Variants in UBE3D observed in about 807,000 individuals in gnomAD.
UBE3D encodes ubiquitin protein ligase E3D.
UBE3D carries 48 observed loss-of-function variants against 49.6 expected under a neutral mutation model. That is an observed-to-expected ratio of 0.97 (90% CI 0.77 to 1.23). The LOEUF is 1.23. Among genes scored for constraint, UBE3D ranks in the 50% most tolerant of loss-of-function variants. The probability of loss-of-function intolerance (pLI) is 0.00; values close to 1 mark genes in which losing one functional copy is unlikely to be tolerated. For synonymous variants in UBE3D, 189 were observed against 174.2 expected, an observed-to-expected ratio of 1.08 and a Z score of -0.67; for missense variants, 452 against 468.4, an observed-to-expected ratio of 0.96 and a Z score of 0.32.
At chr6:83,017,884 A>G (rs192120751) in intron 8 of UBE3D, 1 of 152,274 alleles carries the variant, frequency 6.6e-6, no homozygotes, top group African/African-American at 2.4e-5. Context: ...TAAATAATTT[A>G]TAGTACCTCC....
intron 8 of UBE3D, among the ~76,000 whole-genome samples, chr6:83,006,955 C>G (rs1780024245): frequency 6.6e-6 from 1 of 151,722 alleles, no homozygotes. Flanking sequence ...TTTCAATTTT[C>G]CTGCTGAAAT....
intron 9 of UBE3D, 33 bp from the exon 10 acceptor site, chr6:82,893,075 C>A (rs1404362185): frequency 1.9e-5 from 31 of 1,612,498 alleles, no homozygotes; most frequent in Non-Finnish European, 2.6e-5. Flanking sequence ...CAATGCTTTA[C>A]TTCTATAATA....
chr6:82,918,670 T>G (rs1208866107), intron 9 of UBE3D, among the ~76,000 whole-genome samples: 1 of 152,068 alleles, frequency 6.6e-6, no homozygotes, highest in Non-Finnish European at 1.5e-5. Context: ...ATTTACAGTC[T>G]TTTTAAATAA....
At chr6:82,881,329 C>T in the UBE3D span, among the ~76,000 whole-genome samples, 1 of 151,926 alleles carries the variant, frequency 6.6e-6, no homozygotes, top group Non-Finnish European at 1.5e-5. Context: ...GACAATGTTG[C>T]CAGGTAGGAA....
chr6:83,030,156 G>C (rs1451713043), intron 5 of UBE3D, among the ~76,000 whole-genome samples: 1 of 152,046 alleles, frequency 6.6e-6, no homozygotes, highest in East Asian at 1.9e-4. Context: ...CACCCTTTGT[G>C]CAGCAGGTGG....
chr6:82,897,345 C>T (rs1389759489), intron 9 of UBE3D, among the ~76,000 whole-genome samples: 5 of 152,036 alleles, frequency 3.3e-5, no homozygotes, highest in Non-Finnish European at 7.4e-5. Context: ...AATCCCAGCA[C>T]TTTGGGAGGC....
intron 8 of UBE3D, among the ~76,000 whole-genome samples, chr6:82,969,498 C>T (rs1329128561): frequency 6.6e-6 from 1 of 152,054 alleles, no homozygotes; most frequent in Non-Finnish European, 1.5e-5. Flanking sequence ...GGCTCAGCTA[C>T]TTGGGAGGCT....
At chr6:83,025,882 TAAAA>T (rs70987730) in intron 5 of UBE3D, among the ~76,000 whole-genome samples, 1 of 90,316 alleles carries the variant, frequency 1.1e-5, no homozygotes, top group East Asian at 3.3e-4. Flanking sequence ...GACTCCATCT[TAAAA>T]AAAAAAAAAA....
chr6:82,961,871 A>C (rs1776576527), intron 8 of UBE3D, among the ~76,000 whole-genome samples: 1 of 151,962 alleles, frequency 6.6e-6, no homozygotes, highest in Non-Finnish European at 1.5e-5. Flanking sequence ...CTGAGGCAGG[A>C]GAATTACTGG....
At chr6:82,960,739 T>A (rs560131663) in intron 8 of UBE3D, among the ~76,000 whole-genome samples, 30 of 152,094 alleles carry the variant, frequency 2.0e-4, no homozygotes, top group African/African-American at 7.0e-4. Flanking sequence ...TCTTTGGAAA[T>A]AAAGATTTAA....
the UBE3D span, among the ~76,000 whole-genome samples, chr6:82,883,255 T>C: frequency 6.6e-6 from 1 of 152,198 alleles, no homozygotes; most frequent in East Asian, 1.9e-4. Context: ...TTAGAGGAAG[T>C]GATATTGGAA....
At chr6:82,908,667 T>C (rs1316710557) in intron 9 of UBE3D, among the ~76,000 whole-genome samples, 1 of 152,202 alleles carries the variant, frequency 6.6e-6, no homozygotes, top group Non-Finnish European at 1.5e-5. Flanking sequence ...ATGCATTACA[T>C]ATACAAACTG....
intron 8 of UBE3D, among the ~76,000 whole-genome samples, chr6:83,000,382 T>C (rs1210222751): frequency 6.6e-6 from 1 of 152,200 alleles, no homozygotes; most frequent in Non-Finnish European, 1.5e-5. Flanking sequence ...CAGTATATAG[T>C]GGCCCATTCC....
chr6:83,047,430 G>A (rs1783136617), intron 3 of UBE3D, among the ~76,000 whole-genome samples: 1 of 152,222 alleles, frequency 6.6e-6, no homozygotes, highest in Non-Finnish European at 1.5e-5. Context: ...GGCTGCTTAA[G>A]GCAGGAGGCT....
At chr6:83,046,229 G>A (rs1783019675) in intron 3 of UBE3D, among the ~76,000 whole-genome samples, 1 of 151,430 alleles carries the variant, frequency 6.6e-6, no homozygotes, top group Non-Finnish European at 1.5e-5. Flanking sequence ...AAATGTGAAT[G>A]CTACTTTTTT....
chr6:83,000,796 T>C (rs1779573391), intron 8 of UBE3D, among the ~76,000 whole-genome samples: 1 of 151,988 alleles, frequency 6.6e-6, no homozygotes, highest in African/African-American at 2.4e-5. Context: ...CTAGAAGCTC[T>C]TCACAGTAAA....
chr6:82,991,324 A>G (rs953645773), intron 8 of UBE3D, among the ~76,000 whole-genome samples: 4 of 152,192 alleles, frequency 2.6e-5, no homozygotes, highest in Non-Finnish European at 5.9e-5. Flanking sequence ...TCTTACAACC[A>G]TCAATACCTC....
chr6:83,031,554 C>T (rs573191453), intron 5 of UBE3D, among the ~76,000 whole-genome samples: 6 of 152,270 alleles, frequency 3.9e-5, no homozygotes, highest in East Asian at 3.9e-4. Context: ...CATTTTGGAG[C>T]TTTAAGATTT....
intron 1 of UBE3D, chr6:83,063,107 C>A: frequency 4.2e-6 from 1 of 237,430 alleles, no homozygotes; most frequent in Non-Finnish European, 8.5e-6. Context: ...TTCTGTTCAT[C>A]AAAGGACACT....
Sources: allele counts gnomAD v4.1 joint callset (sites outside exome capture counted in the v4.1 genomes callset), GRCh38; gene constraint gnomAD v4.1.1; transcripts MANE v1.5; gene names NCBI Gene and HGNC (gene_info 2026-07-23, HGNC 2026-07-21).